Variants in MAK16 observed in about 807,000 individuals in gnomAD.
The protein encoded by MAK16 is MAK16 homolog.
MAK16 carries 12 observed loss-of-function variants against 49.9 expected under a neutral mutation model. The observed-to-expected ratio is 0.24, with a 90% confidence interval of 0.15 to 0.39. MAK16 has a LOEUF of 0.39. Among genes scored for constraint, MAK16 ranks in the 10% least tolerant of loss-of-function variants. The pLI is 1.00. For synonymous variants in MAK16, 115 were observed against 126.4 expected, an observed-to-expected ratio of 0.91 and a Z score of 0.60; for missense variants, 292 against 363.7, an observed-to-expected ratio of 0.80 and a Z score of 1.60.
intron 6 of MAK16, among the ~76,000 whole-genome samples, chr8:33,491,548 T>C (rs1808778805): frequency 1.3e-5 from 2 of 152,130 alleles, no homozygotes; most frequent in Admixed American, 6.6e-5. Flanking sequence ...CACCTTTTCA[T>C]ATGCCTGTTT....
intron 4 of MAK16, 56 bp downstream of exon 4, chr8:33,488,854 G>A: frequency 6.2e-7 from 1 of 1,603,916 alleles, no homozygotes. Flanking sequence ...AAAGCCACAT[G>A]CTTGACCATG....
Position 33,499,055 on chromosome 8 carries a change from A to C in MAK16, c.*426A>C. ...GAGGTAAAAGGAAAGGAAGGAAGGA[A>C]AAAGCAGCTTTCACTTACAAAGTTT... On this transcript the variant is annotated 3_prime_UTR_variant, in exon 10 of 10. Transcript: ENST00000360128. 3 of 855,526 alleles carry C rather than the reference A, an allele frequency of 3.5e-6. No individual in the cohort carries two copies. Among genetic ancestry groups the C allele is most frequent in the Non-Finnish European group, 5.8e-6 (3 of 520,670 alleles). 53.0% of individuals were successfully genotyped at this position (855,526 alleles called of 1,614,324 possible).
Position 33,489,894 on chromosome 8 carries a change from AGAT to A in MAK16, c.393-386_393-384del, listed in dbSNP as rs1808749815. On this transcript the variant is annotated intron_variant, in intron 5 of 9. Coordinates refer to ENST00000360128, the MANE Select transcript of MAK16 (RefSeq NM_032509.4). This position sits in a 1 kb window ranked among gnomAD's most constrained non-coding sequence, Gnocchi z 4.2. ...GACTGTGATCTACATAGAATGCTAAAGATGATGTCAGACTTCGACAGAAAATTC... is the reference window on the plus strand; with the variant it reads ...GACTGTGATCTACATAGAATGCTAAAGATGTCAGACTTCGACAGAAAATTC... 6.6e-6 allele frequency among the ~76,000 whole-genome samples: 1 copy of A among 152,232 alleles called. No individual in the cohort carries two copies. Among genetic ancestry groups the A allele is most frequent in the African/African-American group, 2.4e-5 (1 of 41,462 alleles).
intron 6 of MAK16, among the ~76,000 whole-genome samples, chr8:33,492,201 G>A (rs1808789371): frequency 6.6e-6 from 1 of 152,000 alleles, no homozygotes; most frequent in African/African-American, 2.4e-5. Flanking sequence ...TAGTAGAGAT[G>A]GGGTTTAGCC....
At chr8:33,486,659 T>C (rs1808692643) in intron 1 of MAK16, among the ~76,000 whole-genome samples, 1 of 152,192 alleles carries the variant, frequency 6.6e-6, no homozygotes, top group Admixed American at 6.5e-5. Context: ...GTCAGTATAA[T>C]TGACAAGACT....
chr8:33,491,376 T>C (rs539075787), intron 6 of MAK16, among the ~76,000 whole-genome samples: 2 of 152,316 alleles, frequency 1.3e-5, no homozygotes, highest in East Asian at 3.9e-4. Context: ...ATAGTGGTTG[T>C]ACTAATTTAC....
chr8:33,485,211 A>C lies in MAK16; in HGVS notation c.5A>C (p.Gln2Pro), dbSNP rs1050932228. The change falls in exon 1 of 10, where the codon CAG (glutamine) becomes CCG (proline). Residue 2 changes from glutamine (Q) to proline (P), a missense_variant. Gln to Pro is a moderately conservative substitution (Grantham distance 76). Transcript: ENST00000360128. Reference protein sequence around the residue: MQSDDVIWDTLG... With the variant: MPSDDVIWDTLG... ...GCACGCTGAGCCGCGGACACCATGC[A>C]GTCGGATGATGTGAGTCTCCTCCGG... 1.9e-6 allele frequency: 3 copies of C among 1,614,178 alleles called. No individual in the cohort carries two copies. In the South Asian group the frequency reaches 3.3e-5, roughly 18 times the overall value.
At position 33,498,427 on chromosome 8, in the gene MAK16, A is replaced by G. The variant is rs1294139768; in HGVS notation, c.706-5A>G. 2 of 1,613,354 alleles carry G rather than the reference A, an allele frequency of 1.2e-6. No homozygotes were observed. The highest frequency in any genetic ancestry group is 1.7e-5 in the Admixed American group (1 of 59,890). On this transcript the variant is annotated splice_polypyrimidine_tract_variant and splice_region_variant and intron_variant, in intron 9 of 9. Coordinates refer to ENST00000360128, the MANE Select transcript of MAK16 (RefSeq NM_032509.4). ...CTTCCTTTATCTTTTCTCTCCCCGT[A>G]ATAGGATATGGATAAACTGGATGCC... is the stretch of plus-strand genomic sequence containing the variant.
At position 33,488,557 on chromosome 8, in the gene MAK16, C is replaced by G. The variant is rs765490158; in HGVS notation, c.103C>G (p.Leu35Val). ...GAGCTTCTGCCGAAATGAATATAGC[C>G]TGACTGGACTGTGTAATCGGTCATC... ...TQSFCRNEYSLTGLCNRSSCP... is the reference protein window; with the variant it reads ...TQSFCRNEYSVTGLCNRSSCP... The change falls in exon 3 of 10, where the codon CTG becomes GTG. Residue 35 changes from leucine to valine, a missense_variant. Coordinates refer to ENST00000360128, the MANE Select transcript of MAK16 (RefSeq NM_032509.4). The G allele has an allele frequency of 6.2e-7, 1 of 1,614,154 alleles. No homozygotes were observed. The highest frequency in any genetic ancestry group is 8.5e-7 in the Non-Finnish European group (1 of 1,180,024).
chr8:33,486,011 A>G (rs191101316), intron 1 of MAK16, among the ~76,000 whole-genome samples: 105 of 152,336 alleles, frequency 6.9e-4, no homozygotes, highest in African/African-American at 2.3e-3. Context: ...GGAAAAAGCA[A>G]TCCAGGCAGT....
chr8:33,490,459 A>T, intron 6 of MAK16, 120 bp downstream of exon 6: 10 of 658,880 alleles, frequency 1.5e-5, no homozygotes, highest in Non-Finnish European at 2.3e-5. Flanking sequence ...CTAATAGATA[A>T]CTATTAGTTG....
chr8:33,491,012 A>C (rs1017184119), intron 6 of MAK16, among the ~76,000 whole-genome samples: 1 of 152,092 alleles, frequency 6.6e-6, no homozygotes, highest in African/African-American at 2.4e-5. Flanking sequence ...TTTTGATCCC[A>C]CAAATAAGTG....
chr8:33,491,239 C>A (rs1483371525), intron 6 of MAK16, among the ~76,000 whole-genome samples: 6 of 152,220 alleles, frequency 3.9e-5, no homozygotes. Context: ...AGAGCTGTAA[C>A]ACACATGGAG....
chr8:33,495,686 T>G, intron 7 of MAK16, 70 bp downstream of exon 7: 1 of 10,798 alleles, frequency 9.3e-5, no homozygotes, highest in East Asian at 2.1e-3. Flanking sequence ...ATATTGGGAA[T>G]TTTTTTTTTT....
In MAK16 at chr8:33,499,998, C is replaced by CTT; in HGVS notation, c.*1379_*1380dup. ...GGGAGCTTATAGCCCATTATTTTTA[C>CTT]TTTTTTTTTTTAATTCAGAAGACTA... On this transcript the variant is annotated 3_prime_UTR_variant, in exon 10 of 10. Coordinates refer to ENST00000360128, the MANE Select transcript of MAK16 (RefSeq NM_032509.4). The CTT allele has an allele frequency of 3.5e-5, 6 of 170,038 alleles. No homozygotes were observed. Among genetic ancestry groups the CTT allele is most frequent in the East Asian group, 1.6e-4 (1 of 6,330 alleles). The allele number at this position is 170,038 out of a possible 1,614,324, so 10.5% of individuals were successfully genotyped here.
Position 33,498,671 on chromosome 8 carries a change from C to CTTTT in MAK16, c.*43_*44insTTTT. 2 of 1,155,702 alleles carry CTTTT rather than the reference C, an allele frequency of 1.7e-6. No individual in the cohort carries two copies. Among genetic ancestry groups the CTTTT allele is most frequent in the Middle Eastern group, 2.8e-4 (1 of 3,594 alleles). 71.6% of individuals were successfully genotyped at this position (1,155,702 alleles called of 1,614,324 possible). ...TATACCCAGGACTGAACATGCAGAA[C>CTTTT]TGTTTTTTTTTTTTTTTTATCTTAA... On this transcript the variant is annotated 3_prime_UTR_variant, in exon 10 of 10. Coordinates refer to ENST00000360128, the MANE Select transcript of MAK16 (RefSeq NM_032509.4).
chr8:33,490,222 T>C, intron 5 of MAK16, 63 bp from the exon 6 acceptor site: 1 of 1,379,784 alleles, frequency 7.2e-7, no homozygotes, highest in East Asian at 2.3e-5. Flanking sequence ...TTTTTTCTTC[T>C]CATCCTTAAA....
intron 7 of MAK16, 89 bp from the exon 8 acceptor site, chr8:33,496,536 G>A: frequency 1.1e-6 from 1 of 939,406 alleles, no homozygotes; most frequent in Non-Finnish European, 1.6e-6. Context: ...TTTAATCACT[G>A]AGGAAAAAGT....
Position 33,500,220 on chromosome 8 carries a change from G to A in MAK16, c.*1591G>A. On this transcript the variant is annotated 3_prime_UTR_variant, in exon 10 of 10. Coordinates refer to ENST00000360128, the MANE Select transcript of MAK16 (RefSeq NM_032509.4). ...CATATGGAGATCTAAAACCCTCCAT[G>A]TTCATTTCCAGACTTGGTCAGGCAC... 7.6e-7 allele frequency: 1 copy of A among 1,320,380 alleles called. No individual in the cohort carries two copies. The highest frequency in any genetic ancestry group is 1.1e-6 in the Non-Finnish European group (1 of 936,950). The allele number at this position is 1,320,380 out of a possible 1,614,324, so 81.8% of individuals were successfully genotyped here.
Sources: gnomAD v4.1 joint callset for allele counts (sites outside exome capture counted in the v4.1 genomes callset) on GRCh38, gnomAD v4.1.1 for gene constraint, Gnocchi (gnomAD v3.1) non-coding constraint, MANE v1.5 for transcripts, NCBI Gene and HGNC (gene_info 2026-07-23, HGNC 2026-07-21) for gene names.